SORCS3: variants seen among roughly 807,000 people sequenced by gnomAD.
SORCS3 encodes VPS10 domain-containing receptor SorCS3.
In SORCS3, 57 loss-of-function variants were observed where a neutral mutation model predicts 146.3. The ratio of observed to expected loss-of-function variants is 0.39; its 90% CI spans 0.31 to 0.49. The LOEUF (loss-of-function observed/expected upper bound fraction) is 0.49, where lower values mean the gene tolerates loss of function less well. Ranked by LOEUF, SORCS3 falls within the 20% of genes least tolerant of loss-of-function variation. The probability of loss-of-function intolerance (pLI) is 0.92; values close to 1 mark genes in which losing one functional copy is unlikely to be tolerated. For synonymous variants in SORCS3, 653 were observed against 618.5 expected, an observed-to-expected ratio of 1.06 and a Z score of -0.83; for missense variants, 1,341 against 1,575.5, an observed-to-expected ratio of 0.85 and a Z score of 2.52.
chr10:104,649,586 A>G (rs1176008922), intron 1 of SORCS3, among the ~76,000 whole-genome samples: 3 of 152,206 alleles, frequency 2.0e-5, no homozygotes, highest in Non-Finnish European at 4.4e-5. Flanking sequence ...AGTTCTCATC[A>G]AGATGCTCAT....
At chr10:105,226,215 AC>A (rs1315092541) in intron 20 of SORCS3, among the ~76,000 whole-genome samples, 1 of 151,926 alleles carries the variant, frequency 6.6e-6, no homozygotes, top group African/African-American at 2.4e-5. Flanking sequence ...AGCCTTTACT[AC>A]ATTAAGGTAC....
chr10:104,694,362 C>T (rs1009472738), intron 1 of SORCS3, among the ~76,000 whole-genome samples: 1 of 151,576 alleles, frequency 6.6e-6, no homozygotes, highest in African/African-American at 2.4e-5. Context: ...CTCCAGCTCA[C>T]CTTGGACCAG....
chr10:104,884,252 G>A (rs921559032), intron 2 of SORCS3, among the ~76,000 whole-genome samples: 1 of 152,182 alleles, frequency 6.6e-6, no homozygotes, highest in Non-Finnish European at 1.5e-5. Context: ...GACATTTAAT[G>A]TAAGTATGCT....
At chr10:104,776,205 T>A (rs1815974742) in intron 1 of SORCS3, among the ~76,000 whole-genome samples, 1 of 152,176 alleles carries the variant, frequency 6.6e-6, no homozygotes, top group Admixed American at 6.5e-5. Context: ...TGAAGATATC[T>A]ACAGAAAGAG....
chr10:104,888,657 C>T (rs548883534), intron 2 of SORCS3, among the ~76,000 whole-genome samples: 8 of 152,200 alleles, frequency 5.3e-5, no homozygotes, highest in Admixed American at 3.3e-4. Context: ...ATTTTAAATA[C>T]TTAACAATTG....
chr10:105,174,602 C>T (rs1302298775), intron 13 of SORCS3, among the ~76,000 whole-genome samples: 1 of 152,156 alleles, frequency 6.6e-6, no homozygotes, highest in Non-Finnish European at 1.5e-5. Context: ...TTAGAAATCG[C>T]TGGTCTCAGA....
intron 3 of SORCS3, among the ~76,000 whole-genome samples, chr10:104,929,526 A>G (rs1199740567): frequency 6.6e-6 from 1 of 152,212 alleles, no homozygotes; most frequent in African/African-American, 2.4e-5. Flanking sequence ...TGTGCTCTGT[A>G]GCAGGCAGGG....
chr10:104,875,083 G>A (rs1278826775), intron 2 of SORCS3, among the ~76,000 whole-genome samples: 5 of 151,884 alleles, frequency 3.3e-5, no homozygotes, highest in African/African-American at 7.3e-5. Flanking sequence ...TACTCTCCTC[G>A]AGTCACATGT....
intron 1 of SORCS3, among the ~76,000 whole-genome samples, chr10:104,736,441 CAT>C (rs572924137): frequency 1.8e-4 from 27 of 152,170 alleles, no homozygotes; most frequent in Non-Finnish European, 3.5e-4. Flanking sequence ...TACACGGACA[CAT>C]GTGTTTTGTT....
intron 1 of SORCS3, among the ~76,000 whole-genome samples, chr10:104,725,944 C>T (rs1394338480): frequency 6.6e-6 from 1 of 152,216 alleles, no homozygotes; most frequent in Admixed American, 6.5e-5. Flanking sequence ...GATGCCTCGC[C>T]CTGCTTCGGC....
intron 1 of SORCS3, among the ~76,000 whole-genome samples, chr10:104,694,161 T>C (rs1287762595): frequency 6.6e-6 from 1 of 150,470 alleles, no homozygotes; most frequent in African/African-American, 2.4e-5. Flanking sequence ...AGGATTCTTT[T>C]CTCCCCTTCT....
intron 22 of SORCS3, among the ~76,000 whole-genome samples, chr10:105,248,210 C>T (rs1223134937): frequency 1.3e-5 from 2 of 152,130 alleles, no homozygotes; most frequent in East Asian, 3.9e-4. Context: ...AGAAATAAGT[C>T]TAATGTATAA....
At chr10:104,657,882 C>A (rs2015652354) in intron 1 of SORCS3, among the ~76,000 whole-genome samples, 1 of 152,164 alleles carries the variant, frequency 6.6e-6, no homozygotes, top group Non-Finnish European at 1.5e-5. Context: ...AGCTTTTAAA[C>A]AACAAATTTA....
intron 1 of SORCS3, among the ~76,000 whole-genome samples, chr10:104,671,276 G>GTT (rs36137443): frequency 6.7e-5 from 6 of 89,630 alleles, no homozygotes; most frequent in Admixed American, 1.1e-4. Flanking sequence ...TTAACTGTGT[G>GTT]TTTTTTTTTA....
intron 25 of SORCS3, among the ~76,000 whole-genome samples, chr10:105,259,538 GC>G (rs2056949000): frequency 6.6e-6 from 1 of 152,126 alleles, no homozygotes. Context: ...GTATCACCTG[GC>G]CTCTCGCAGG....
intron 2 of SORCS3, among the ~76,000 whole-genome samples, chr10:104,889,282 CTT>C (rs35462776): frequency 0.013 from 1,642 of 122,648 alleles, 22 homozygotes; most frequent in African/African-American, 0.039. Flanking sequence ...ATTTCCTGTG[CTT>C]TTTTTTTTTT....
chr10:104,969,333 G>T (rs1327876778), intron 3 of SORCS3, among the ~76,000 whole-genome samples: 4 of 151,252 alleles, frequency 2.6e-5, no homozygotes, highest in Non-Finnish European at 4.4e-5. Flanking sequence ...GTGTGTGTGT[G>T]TGTGTGTGCG....
At chr10:104,709,522 A>G (rs980711513) in intron 1 of SORCS3, among the ~76,000 whole-genome samples, 2 of 152,160 alleles carry the variant, frequency 1.3e-5, no homozygotes, top group African/African-American at 4.8e-5. Flanking sequence ...CTAAAAGTAC[A>G]TTTCCTGTAC....
At chr10:105,101,013 G>A (rs1031491002) in intron 6 of SORCS3, among the ~76,000 whole-genome samples, 1 of 152,210 alleles carries the variant, frequency 6.6e-6, no homozygotes, top group African/African-American at 2.4e-5. Flanking sequence ...GCACTTTCTA[G>A]CTTCGGAGTC....
Sources: gnomAD v4.1 joint callset for allele counts (sites outside exome capture counted in the v4.1 genomes callset) on GRCh38, gnomAD v4.1.1 for gene constraint, MANE v1.5 for transcripts, NCBI Gene and HGNC (gene_info 2026-07-23, HGNC 2026-07-21) for gene names.